The following CPQ variants were observed in gnomAD, a reference collection of about 807,000 sequenced individuals.
CPQ encodes the protein carboxypeptidase Q, also known as Ser-Met dipeptidase.
Under a neutral mutation model 45.7 loss-of-function variants are expected in CPQ, and 37 were observed. That is an observed-to-expected ratio of 0.81 (90% CI 0.62 to 1.07). The LOEUF (loss-of-function observed/expected upper bound fraction) is 1.07. Among genes scored for constraint, CPQ ranks in the 50% least tolerant of loss-of-function variants. The pLI is 0.00. For missense variants in CPQ, 537 were observed against 572.9 expected, an observed-to-expected ratio of 0.94 and a Z score of 0.64; for synonymous variants, 186 against 205.8, an observed-to-expected ratio of 0.90 and a Z score of 0.82.
intron 5 of CPQ, among the ~76,000 whole-genome samples, chr8:97,023,060 T>C (rs1170647541): frequency 3.0e-4 from 42 of 139,196 alleles, no homozygotes; most frequent in Admixed American, 5.8e-4. Context: ...ACTGTATATA[T>C]AGAAACTGTA....
chr8:96,750,209 A>G (rs1017468340), intron 1 of CPQ, among the ~76,000 whole-genome samples: 1 of 151,810 alleles, frequency 6.6e-6, no homozygotes, highest in Non-Finnish European at 1.5e-5. Flanking sequence ...TTTTTAGTTT[A>G]CCTTGATGTT....
At chr8:96,979,680 T>C (rs542536520) in intron 5 of CPQ, among the ~76,000 whole-genome samples, 10 of 152,334 alleles carry the variant, frequency 6.6e-5, no homozygotes, top group African/African-American at 2.2e-4. Flanking sequence ...GTTTTTTTAA[T>C]TGCCGTGGAA....
chr8:96,896,921 GT>G (rs1200477511), intron 4 of CPQ, among the ~76,000 whole-genome samples: 5 of 152,136 alleles, frequency 3.3e-5, no homozygotes, highest in African/African-American at 1.2e-4. Flanking sequence ...ATTGTTATGG[GT>G]TTCTAGTCTA....
intron 3 of CPQ, among the ~76,000 whole-genome samples, chr8:96,866,459 A>G (rs749192812): frequency 9.9e-5 from 15 of 152,072 alleles, no homozygotes; most frequent in Non-Finnish European, 1.9e-4. Flanking sequence ...TTTTAAAATT[A>G]TGTCTATTTT....
intron 5 of CPQ, among the ~76,000 whole-genome samples, chr8:96,976,512 A>T (rs765958576): frequency 1.8e-4 from 28 of 152,168 alleles, no homozygotes; most frequent in Non-Finnish European, 3.5e-4. Context: ...TAAAATTAAT[A>T]TGGAACCAAA....
chr8:96,875,378 T>C (rs576484976), intron 3 of CPQ, among the ~76,000 whole-genome samples: 1 of 152,042 alleles, frequency 6.6e-6, no homozygotes, highest in South Asian at 2.1e-4. Context: ...TTTGGTGTTG[T>C]CTCTAAGAAA....
At chr8:97,100,231 C>T (rs563922871) in intron 7 of CPQ, among the ~76,000 whole-genome samples, 11 of 152,204 alleles carry the variant, frequency 7.2e-5, no homozygotes, top group East Asian at 1.9e-4. Context: ...ATTTGTTGAA[C>T]GAATGGAGAT....
chr8:97,074,607 A>G (rs1810810807), intron 7 of CPQ, among the ~76,000 whole-genome samples: 1 of 152,292 alleles, frequency 6.6e-6, no homozygotes, highest in South Asian at 2.1e-4. Flanking sequence ...CCCCCTCTCT[A>G]CTAAAAATAC....
At chr8:97,120,989 T>C (rs1811691948) in intron 7 of CPQ, among the ~76,000 whole-genome samples, 1 of 152,222 alleles carries the variant, frequency 6.6e-6, no homozygotes, top group South Asian at 2.1e-4. Flanking sequence ...TTATTTTCAT[T>C]TCTGTATTAC....
chr8:97,141,938 A>G (rs1414214874), intron 7 of CPQ, among the ~76,000 whole-genome samples: 1 of 152,206 alleles, frequency 6.6e-6, no homozygotes, highest in Non-Finnish European at 1.5e-5. Flanking sequence ...ATATATAGTC[A>G]TATACATATA....
intron 4 of CPQ, among the ~76,000 whole-genome samples, chr8:96,891,718 C>T (rs1174321396): frequency 2.0e-5 from 3 of 152,142 alleles, no homozygotes; most frequent in African/African-American, 4.8e-5. Flanking sequence ...TACATATTAT[C>T]CCATTATCAA....
chr8:96,883,760 C>T (rs1377176185), intron 4 of CPQ, among the ~76,000 whole-genome samples: 1 of 152,184 alleles, frequency 6.6e-6, no homozygotes, highest in African/African-American at 2.4e-5. Context: ...GCTTTGATAA[C>T]ATTCCCCTCA....
At chr8:96,653,874 C>T (rs1410919948) in intron 1 of CPQ, among the ~76,000 whole-genome samples, 1 of 152,044 alleles carries the variant, frequency 6.6e-6, no homozygotes, top group African/African-American at 2.4e-5. Flanking sequence ...GAGAGGCAGG[C>T]CCACTTGGTG....
At chr8:96,697,966 A>G (rs1175016532) in intron 1 of CPQ, among the ~76,000 whole-genome samples, 1 of 152,118 alleles carries the variant, frequency 6.6e-6, no homozygotes, top group Non-Finnish European at 1.5e-5. Flanking sequence ...CCCTATCATG[A>G]TACCAATGAC....
chr8:96,948,854 T>C (rs540756078), intron 4 of CPQ, among the ~76,000 whole-genome samples: 2 of 152,262 alleles, frequency 1.3e-5, no homozygotes, highest in South Asian at 4.1e-4. Flanking sequence ...TTATAATTCT[T>C]ATATCTTCCT....
At chr8:96,774,495 T>G (rs577819129) in intron 1 of CPQ, among the ~76,000 whole-genome samples, 1 of 151,468 alleles carries the variant, frequency 6.6e-6, no homozygotes, top group Admixed American at 6.6e-5. Context: ...ATGTGTCACA[T>G]GAGTGATAAT....
At chr8:96,849,095 A>G (rs2130858786) in intron 3 of CPQ, among the ~76,000 whole-genome samples, 1 of 152,332 alleles carries the variant, frequency 6.6e-6, no homozygotes, top group South Asian at 2.1e-4. Context: ...GTTAACACAA[A>G]TAAAACTGTG....
intron 6 of CPQ, among the ~76,000 whole-genome samples, chr8:97,050,356 GACAA>G (rs1810339874): frequency 6.6e-6 from 1 of 152,114 alleles, no homozygotes; most frequent in African/African-American, 2.4e-5. Context: ...TTTGCATGTG[GACAA>G]ACAATGACAA....
At chr8:97,034,433 C>G (rs984082190) in intron 6 of CPQ, among the ~76,000 whole-genome samples, 2 of 152,130 alleles carry the variant, frequency 1.3e-5, no homozygotes, top group African/African-American at 4.8e-5. Context: ...TCCTTTTCAC[C>G]ATGTCTTTGA....
Sources: allele counts gnomAD v4.1 joint callset (sites outside exome capture counted in the v4.1 genomes callset), GRCh38; gene constraint gnomAD v4.1.1; transcripts MANE v1.5; gene names NCBI Gene and HGNC (gene_info 2026-07-23, HGNC 2026-07-21).